KCMF1: variants seen among roughly 807,000 people sequenced by gnomAD.
KCMF1 encodes E3 ubiquitin-protein ligase KCMF1.
In KCMF1, 3 loss-of-function variants were observed where a neutral mutation model predicts 41.1. The observed-to-expected ratio is 0.07, with a 90% CI of 0.03 to 0.19. The LOEUF is 0.19. Ranked by LOEUF, KCMF1 falls within the 10% of genes least tolerant of loss-of-function variation. The pLI, the probability that KCMF1 is intolerant of heterozygous loss-of-function variation, is 1.00. For synonymous variants in KCMF1, 142 were observed against 164.5 expected (o/e 0.86, Z 1.04); for missense variants, 286 against 488.9 (o/e 0.58, Z 3.91).
At chr2:84,976,828 G>A (rs749972231) in intron 1 of KCMF1, among the ~76,000 whole-genome samples, 5 of 151,810 alleles carry the variant, frequency 3.3e-5, no homozygotes, top group East Asian at 1.9e-4. Context: ...ACAAGACTAC[G>A]TAGGCCATTA....
Position 85,046,288 on chromosome 2 carries a change from T to G in KCMF1, c.601+10T>G. 6.2e-7 allele frequency: 1 copy of G among 1,605,342 alleles called. No individual in the cohort carries two copies. Among genetic ancestry groups the G allele is most frequent in the South Asian group, 1.1e-5 (1 of 89,866 alleles). On this transcript the variant is annotated intron_variant, in intron 5 of 6. Coordinates refer to ENST00000409785, the MANE Select transcript of KCMF1 (RefSeq NM_020122.5). ...ATGGATCCTATAGCTGGTAAGTTAG[T>G]TTCACATTAATAAGGGAAATGGCAG...
intron 1 of KCMF1, among the ~76,000 whole-genome samples, chr2:84,993,085 G>T (rs1674084387): frequency 6.6e-6 from 1 of 151,960 alleles, no homozygotes; most frequent in Non-Finnish European, 1.5e-5. Flanking sequence ...TACTTGGGAG[G>T]CTGAGATGAA....
chr2:84,994,165 G>T (rs2103981059), intron 1 of KCMF1, among the ~76,000 whole-genome samples: 1 of 150,328 alleles, frequency 6.7e-6, no homozygotes, highest in African/African-American at 2.4e-5. Context: ...AGCCAGGATG[G>T]TCTCGATCTC....
At chr2:84,971,948 G>A (rs1673408003) in intron 1 of KCMF1, 1 of 152,052 alleles carries the variant, frequency 6.6e-6, no homozygotes, top group Non-Finnish European at 1.5e-5. Context: ...GCGTCCGGTC[G>A]CCGGGAGACG....
At position 85,056,315 on chromosome 2, in the gene KCMF1, C is replaced by G. The variant is rs148006654; in HGVS notation, c.*2906C>G. 9.8e-4 allele frequency: 149 copies of G among 152,156 alleles called. 1 individual carries two copies. Among genetic ancestry groups the G allele is most frequent in the African/African-American group, 3.3e-3 (139 of 41,526 alleles). 9.4% of individuals were successfully genotyped at this position (152,156 alleles called of 1,614,324 possible). On this transcript the variant is annotated 3_prime_UTR_variant, in exon 7 of 7. Coordinates refer to ENST00000409785, the MANE Select transcript of KCMF1 (RefSeq NM_020122.5). ...GCCCATTATCCCCACCCCCCATTTT[C>G]CCTCTCAATATTAGAAATTTCAATA...
chr2:85,042,545 CCTT>C (rs569876659), intron 3 of KCMF1, among the ~76,000 whole-genome samples: 2 of 152,160 alleles, frequency 1.3e-5, no homozygotes, highest in South Asian at 2.1e-4. Context: ...CTATCTTTAA[CCTT>C]CTTATTTATG....
At chr2:85,016,726 T>C (rs1161973512) in intron 1 of KCMF1, among the ~76,000 whole-genome samples, 11 of 151,544 alleles carry the variant, frequency 7.3e-5, no homozygotes, top group Non-Finnish European at 1.5e-5. Context: ...AGAGTCTCGC[T>C]TTTTCACTCA....
intron 2 of KCMF1, among the ~76,000 whole-genome samples, chr2:85,032,940 C>T (rs994508214): frequency 6.6e-6 from 1 of 152,180 alleles, no homozygotes; most frequent in Non-Finnish European, 1.5e-5. Context: ...ATAGATCCTC[C>T]AGTAAAATAC....
At chr2:85,007,518 C>G (rs1333110692) in intron 1 of KCMF1, among the ~76,000 whole-genome samples, 1 of 152,120 alleles carries the variant, frequency 6.6e-6, no homozygotes, top group Non-Finnish European at 1.5e-5. Flanking sequence ...CTTCACTTGG[C>G]CCACCTCCAG....
intron 5 of KCMF1, among the ~76,000 whole-genome samples, chr2:85,047,047 G>T (rs1443662024): frequency 6.6e-6 from 1 of 152,120 alleles, no homozygotes; most frequent in Non-Finnish European, 1.5e-5. Flanking sequence ...AAAAAACATA[G>T]TATGTATAGG....
intron 1 of KCMF1, among the ~76,000 whole-genome samples, chr2:84,986,772 C>T (rs1297657590): frequency 1.3e-5 from 2 of 151,720 alleles, no homozygotes; most frequent in African/African-American, 2.4e-5. Flanking sequence ...ATCCCAGTTA[C>T]TCGGGAGGCT....
rs114615626 is a variant in KCMF1 at position 85,003,558 on chromosome 2, T to G, written c.17-24331T>G. Among the ~76,000 whole-genome samples, 275 of 152,282 alleles carry G rather than the reference T, an allele frequency of 1.8e-3. 1 individual carries two copies. Among genetic ancestry groups the G allele is most frequent in the Admixed American group, 3.3e-3 (50 of 15,276 alleles). Reference sequence around the variant, plus strand: ...TCTGTCATCTAGTATTTTAACTGTTTGTTTTATGCACAAGCTTATAAATGT... The same window carrying G: ...TCTGTCATCTAGTATTTTAACTGTTGGTTTTATGCACAAGCTTATAAATGT... On this transcript the variant is annotated intron_variant, in intron 1 of 6. Transcript: ENST00000409785.
At chr2:85,028,890 A>G (rs1000989066) in intron 2 of KCMF1, among the ~76,000 whole-genome samples, 3 of 152,242 alleles carry the variant, frequency 2.0e-5, no homozygotes, top group African/African-American at 7.2e-5. Flanking sequence ...GGAATGAAAT[A>G]GAAGAGTGCT....
At chr2:84,979,996 ATTT>A (rs754834197) in intron 1 of KCMF1, among the ~76,000 whole-genome samples, 1 of 135,344 alleles carries the variant, frequency 7.4e-6, no homozygotes, top group Non-Finnish European at 1.6e-5. Context: ...CTAATTTTGT[ATTT>A]TTTTTTTTTT....
chr2:84,975,315 C>T (rs540087975), intron 1 of KCMF1, among the ~76,000 whole-genome samples: 9 of 152,040 alleles, frequency 5.9e-5, no homozygotes, highest in Non-Finnish European at 1.0e-4. Flanking sequence ...CCTAGACTGG[C>T]GCTTTAGAGA....
Position 84,992,890 on chromosome 2 carries a change from G to T in KCMF1, c.16+21423G>T, listed in dbSNP as rs373949124. ...CCGCCTCGGCCTCCCAAAGTGCTGAGATTACAGCATCACCATAGACAGTAT... is the reference window on the plus strand; with the variant it reads ...CCGCCTCGGCCTCCCAAAGTGCTGATATTACAGCATCACCATAGACAGTAT... On this transcript the variant is annotated intron_variant, in intron 1 of 6. Transcript: ENST00000409785. Among the ~76,000 whole-genome samples, 5 of 152,136 alleles carry T rather than the reference G, an allele frequency of 3.3e-5. No homozygotes were observed. The East Asian group carries it at 9.7e-4, about 30-fold the overall frequency.
chr2:85,045,596 C>G (rs1675645367), intron 4 of KCMF1, among the ~76,000 whole-genome samples: 1 of 152,160 alleles, frequency 6.6e-6, no homozygotes, highest in South Asian at 2.1e-4. Context: ...CAACTCAGGA[C>G]CTTTTTCAGT....
At chr2:84,977,672 C>G (rs1323185262) in intron 1 of KCMF1, among the ~76,000 whole-genome samples, 1 of 151,992 alleles carries the variant, frequency 6.6e-6, no homozygotes, top group African/African-American at 2.4e-5. Context: ...ATTCTCCCAC[C>G]TCAGCTCTCG....
In KCMF1 at chr2:85,046,177, G is replaced by A. The variant is rs779193127; in HGVS notation, c.500G>A (p.Arg167His). Residue 167 changes from arginine (R) to histidine (H), a missense_variant, in exon 5 of 7, where the codon CGT becomes CAT. Physicochemically the swap from Arg to His is conservative, Grantham distance 29. Around this residue, in one of 2 missense-constraint regions of KCMF1, gnomAD observed 191 missense variants for 279.3 expected, o/e 0.68. Coordinates refer to ENST00000409785, the MANE Select transcript of KCMF1 (RefSeq NM_020122.5). ...PGRGLGGPRA[R>H]RSNMHFTSSS... The stretch of plus-strand genomic sequence containing the variant: ...CGGGGATTAGGAGGTCCTCGTGCTC[G>A]TAGATCAAACATGCACTTTACTAGC... The A allele has an allele frequency of 3.1e-6, 5 of 1,613,424 alleles. No homozygotes were observed. The highest frequency in any genetic ancestry group is 1.3e-5 in the African/African-American group (1 of 75,022).
Sources: gnomAD v4.1 joint callset for allele counts (sites outside exome capture counted in the v4.1 genomes callset) on GRCh38, gnomAD v4.1.1 for gene constraint, gnomAD v4.1.1 regional missense constraint, MANE v1.5 for transcripts, NCBI Gene and HGNC (gene_info 2026-07-23, HGNC 2026-07-21) for gene names.